The following GRM7 variants were observed in gnomAD, a reference collection of about 807,000 sequenced individuals.
GRM7 encodes glutamate metabotropic receptor 7.
A neutral mutation model predicts 84.5 loss-of-function variants in GRM7; 35 were observed. The observed-to-expected ratio is 0.41, with a 90% CI of 0.32 to 0.55. The LOEUF (loss-of-function observed/expected upper bound fraction) is 0.55, where lower values mean the gene tolerates loss of function less well. Among genes scored for constraint, GRM7 ranks in the 20% least tolerant of loss-of-function variants. GRM7 has a pLI of 0.19. For missense variants in GRM7, 1,003 were observed against 1,194.6 expected (o/e 0.84, Z 2.36); for synonymous variants, 487 against 455.1 (o/e 1.07, Z -0.89).
chr3:7,707,954 T>TA (rs1439732933), intron 9 of GRM7, among the ~76,000 whole-genome samples: 2 of 131,084 alleles, frequency 1.5e-5, no homozygotes, highest in Non-Finnish European at 3.4e-5. Flanking sequence ...TTTTTTTTTT[T>TA]ACTTCCCATG....
intron 1 of GRM7, among the ~76,000 whole-genome samples, chr3:7,052,754 T>G (rs1172239911): frequency 7.4e-6 from 1 of 134,876 alleles, no homozygotes; most frequent in Non-Finnish European, 1.5e-5. Context: ...CCAGGTAGTA[T>G]TTTTTTGTTT....
chr3:6,933,669 A>C (rs948489688), intron 1 of GRM7, among the ~76,000 whole-genome samples: 1 of 152,044 alleles, frequency 6.6e-6, no homozygotes, highest in Non-Finnish European at 1.5e-5. Context: ...AATAAAGATC[A>C]GTTATGTGCC....
intron 4 of GRM7, among the ~76,000 whole-genome samples, chr3:7,331,684 C>G (rs1284697904): frequency 6.6e-6 from 1 of 152,118 alleles, no homozygotes; most frequent in African/African-American, 2.4e-5. Flanking sequence ...TATATCATAG[C>G]ACAGTATCTC....
chr3:7,382,919 A>G (rs1233122764), intron 4 of GRM7, among the ~76,000 whole-genome samples: 1 of 152,212 alleles, frequency 6.6e-6, no homozygotes, highest in Non-Finnish European at 1.5e-5. Flanking sequence ...ACTTTGCTTA[A>G]TACACTGGAG....
chr3:6,865,125 AT>A (rs1694896349), intron 1 of GRM7, among the ~76,000 whole-genome samples: 2 of 152,234 alleles, frequency 1.3e-5, no homozygotes, highest in Admixed American at 1.3e-4. Flanking sequence ...CCTGCAATGC[AT>A]TTTCAGCCTC....
intron 4 of GRM7, among the ~76,000 whole-genome samples, chr3:7,314,086 A>G (rs974970425): frequency 4.6e-5 from 7 of 152,196 alleles, no homozygotes; most frequent in Non-Finnish European, 7.4e-5. Context: ...CAATTATATT[A>G]TTGGAGGGTT....
intron 9 of GRM7, among the ~76,000 whole-genome samples, chr3:7,718,608 A>G (rs1042674844): frequency 1.3e-5 from 2 of 152,178 alleles, no homozygotes; most frequent in African/African-American, 4.8e-5. Context: ...CAAGAGTACA[A>G]TCAGACATAA....
At position 7,477,936 on chromosome 3, in the gene GRM7, C is replaced by T. The variant is rs546048805; in HGVS notation, c.1515+16214C>T. 2.4e-4 allele frequency among the ~76,000 whole-genome samples: 36 copies of T among 152,278 alleles called. No individual in the cohort carries two copies. The South Asian group carries it at 7.2e-3, about 31-fold the overall frequency. Reference sequence around the variant, plus strand: ...AAGGACCGGTTATAAGTGACACTGTCTTTGTCCTTAATCATGATCCAATCT... The same window carrying T: ...AAGGACCGGTTATAAGTGACACTGTTTTTGTCCTTAATCATGATCCAATCT... On this transcript the variant is annotated intron_variant, in intron 7 of 9. Transcript: ENST00000357716.
chr3:6,955,676 C>T (rs889583133), intron 1 of GRM7, among the ~76,000 whole-genome samples: 1 of 151,846 alleles, frequency 6.6e-6, no homozygotes, highest in African/African-American at 2.4e-5. Flanking sequence ...CACCCCTTCT[C>T]TACTAAAAAT....
intron 6 of GRM7, among the ~76,000 whole-genome samples, chr3:7,458,631 C>A (rs17718475): frequency 0.042 from 6,457 of 152,184 alleles, 181 homozygotes; most frequent in South Asian, 0.07. Flanking sequence ...TTTCTTCTAA[C>A]TAAGATTGCA....
At chr3:7,535,797 A>C (rs1043342266) in intron 7 of GRM7, among the ~76,000 whole-genome samples, 3 of 152,204 alleles carry the variant, frequency 2.0e-5, no homozygotes, top group Non-Finnish European at 4.4e-5. Flanking sequence ...CAGAGTCCAA[A>C]GGGGATTTAA....
intron 7 of GRM7, among the ~76,000 whole-genome samples, chr3:7,556,731 T>C (rs1407610264): frequency 6.6e-6 from 1 of 152,144 alleles, no homozygotes. Context: ...TCATTGACAA[T>C]CATTGACAAT....
At chr3:7,723,880 C>A (rs991709315) in intron 9 of GRM7, among the ~76,000 whole-genome samples, 1 of 152,020 alleles carries the variant, frequency 6.6e-6, no homozygotes, top group African/African-American at 2.4e-5. Flanking sequence ...AAATAAGGAA[C>A]TTGATATATA....
rs181380231 is a variant in GRM7, at chr3:6,933,363, T to C, written c.519+71456T>C. On this transcript the variant is annotated intron_variant, in intron 1 of 9. Coordinates refer to ENST00000357716, the MANE Select transcript of GRM7 (RefSeq NM_000844.4). ...AAAACAGGATCATATCCAGGCTTAA[T>C]TGGACTCTAAACTGATTGTAGTTCT... Among the ~76,000 whole-genome samples, 84 of 152,276 alleles carry C rather than the reference T, an allele frequency of 5.5e-4. 2 individuals carry two copies. The highest frequency in any genetic ancestry group is 3.7e-3 in the East Asian group (19 of 5,168).
chr3:7,693,756 A>G, intron 9 of GRM7: 1 of 929,300 alleles, frequency 1.1e-6, no homozygotes, highest in Non-Finnish European at 1.7e-6. Context: ...AATGAACTTA[A>G]TGATGAGTGA....
intron 1 of GRM7, among the ~76,000 whole-genome samples, chr3:7,047,882 T>C (rs990051587): frequency 2.6e-5 from 4 of 152,026 alleles, no homozygotes; most frequent in African/African-American, 9.7e-5. Context: ...AAAATTACCG[T>C]GAGACCTCAA....
chr3:7,175,261 G>A (rs1695107694), intron 2 of GRM7, among the ~76,000 whole-genome samples: 1 of 152,196 alleles, frequency 6.6e-6, no homozygotes, highest in African/African-American at 2.4e-5. Context: ...CCTGTTCTGT[G>A]CAAATACCAT....
chr3:6,961,680 C>T (rs75965846), intron 1 of GRM7, among the ~76,000 whole-genome samples: 1,547 of 152,224 alleles, frequency 0.01, 21 homozygotes, highest in African/African-American at 0.035. Flanking sequence ...AACGCCTTAC[C>T]TTCCTACAAC....
chr3:6,967,418 C>T (rs1279571257), intron 1 of GRM7, among the ~76,000 whole-genome samples: 2 of 152,116 alleles, frequency 1.3e-5, no homozygotes, highest in African/African-American at 4.8e-5. Flanking sequence ...TGATCTCCAA[C>T]TCCTGGGCTC....
Sources: allele counts gnomAD v4.1 joint callset (sites outside exome capture counted in the v4.1 genomes callset), GRCh38; gene constraint gnomAD v4.1.1; transcripts MANE v1.5; gene names NCBI Gene and HGNC (gene_info 2026-07-23, HGNC 2026-07-21).